The following MCUB variants were observed in gnomAD, a reference collection of about 807,000 sequenced individuals.
MCUB encodes the protein mitochondrial calcium uniporter dominant negative subunit beta.
A neutral mutation model predicts 41.4 loss-of-function variants in MCUB; 46 were observed. That is an observed-to-expected ratio of 1.11 (90% CI 0.88 to 1.42). MCUB has a LOEUF of 1.42. Among genes scored for constraint, MCUB ranks in the 40% most tolerant of loss-of-function variants. The probability of loss-of-function intolerance (pLI) is 0.00; values close to 1 mark genes in which losing one functional copy is unlikely to be tolerated. For missense variants in MCUB, 403 were observed against 404.9 expected, an observed-to-expected ratio of 1.00 and a Z score of 0.04; for synonymous variants, 148 against 148.2, an observed-to-expected ratio of 1.00 and a Z score of 0.01.
At chr4:109,609,911 A>G (rs1325995807) in intron 1 of MCUB, among the ~76,000 whole-genome samples, 5 of 152,192 alleles carry the variant, frequency 3.3e-5, no homozygotes, top group African/African-American at 4.8e-5. Flanking sequence ...TCCAGGTGCC[A>G]GGGACTGGAG....
rs755474564 is a variant in MCUB at position 109,580,707 on chromosome 4, G to A, written c.99+20271G>A. 1.6e-4 allele frequency among the ~76,000 whole-genome samples: 24 copies of A among 152,194 alleles called. No individual in the cohort carries two copies. In the South Asian group the frequency reaches 2.3e-3, roughly 14 times the overall value. On this transcript the variant is annotated intron_variant, in intron 1 of 7. Coordinates refer to ENST00000394650, the MANE Select transcript of MCUB (RefSeq NM_017918.5). ...TGAGAAGTGTCTGTTCATATCCTTC[G>A]CCCACTTTTTGATGGGATTGTTTTT...
At chr4:109,687,485 A>AG (rs1442172153) in intron 7 of MCUB, 30 bp from the exon 8 acceptor site, 6 of 1,503,952 alleles carry the variant, frequency 4.0e-6, no homozygotes, top group Non-Finnish European at 5.5e-6. Flanking sequence ...CTTCTTTCTG[A>AG]TCACATGCTT....
chr4:109,617,421 G>A (rs1300571058), intron 1 of MCUB, among the ~76,000 whole-genome samples: 2 of 152,204 alleles, frequency 1.3e-5, no homozygotes, highest in Non-Finnish European at 2.9e-5. Flanking sequence ...TGTGTCGGGG[G>A]TGGGAGGGAG....
chr4:109,638,975 C>T (rs369641661), intron 1 of MCUB, among the ~76,000 whole-genome samples: 1 of 152,308 alleles, frequency 6.6e-6, no homozygotes, highest in African/African-American at 2.4e-5. Flanking sequence ...TTACTTCTTA[C>T]ACTGAAGTCT....
At chr4:109,630,079 C>T (rs1254402936) in intron 1 of MCUB, among the ~76,000 whole-genome samples, 2 of 152,194 alleles carry the variant, frequency 1.3e-5, no homozygotes, top group Non-Finnish European at 2.9e-5. Flanking sequence ...ATTTTAAGAG[C>T]TTCTGCCAGG....
intron 7 of MCUB, among the ~76,000 whole-genome samples, chr4:109,687,255 A>G (rs1729866355): frequency 6.6e-6 from 1 of 152,050 alleles, no homozygotes; most frequent in African/African-American, 2.4e-5. Context: ...GCTACTTGGG[A>G]GGCTGAGGCA....
chr4:109,616,560 C>G (rs1291388385), intron 1 of MCUB, among the ~76,000 whole-genome samples: 1 of 152,138 alleles, frequency 6.6e-6, no homozygotes. Context: ...GGACCTGACA[C>G]TTTAAACATG....
intron 1 of MCUB, among the ~76,000 whole-genome samples, chr4:109,601,755 C>G (rs898879502): frequency 2.0e-5 from 3 of 152,158 alleles, no homozygotes; most frequent in African/African-American, 7.2e-5. Context: ...ATAGACCCAG[C>G]AGTGGGGTTG....
chr4:109,606,011 G>A (rs546499134), intron 1 of MCUB, among the ~76,000 whole-genome samples: 1 of 152,126 alleles, frequency 6.6e-6, no homozygotes, highest in Non-Finnish European at 1.5e-5. Flanking sequence ...CTCTCGCTCT[G>A]TTGCCCAGGC....
intron 1 of MCUB, among the ~76,000 whole-genome samples, chr4:109,625,093 T>G (rs996982410): frequency 3.9e-5 from 6 of 152,042 alleles, no homozygotes; most frequent in African/African-American, 1.5e-4. Flanking sequence ...TGAGCTGAGA[T>G]CGCACCACTG....
chr4:109,603,245 G>A (rs970218310), intron 1 of MCUB, among the ~76,000 whole-genome samples: 11 of 152,184 alleles, frequency 7.2e-5, no homozygotes, highest in Admixed American at 1.3e-4. Context: ...GCAGGCGCGC[G>A]CCGCCACGCC....
chr4:109,609,642 A>T (rs533736477), intron 1 of MCUB, among the ~76,000 whole-genome samples: 1 of 152,240 alleles, frequency 6.6e-6, no homozygotes, highest in Non-Finnish European at 1.5e-5. Context: ...CCTATTTAAG[A>T]TGGAGCTGCT....
chr4:109,590,666 G>A (rs560718197), intron 1 of MCUB, among the ~76,000 whole-genome samples: 10 of 152,188 alleles, frequency 6.6e-5, no homozygotes, highest in Non-Finnish European at 1.3e-4. Context: ...GAATGATAAC[G>A]CTTCTGTTGC....
intron 1 of MCUB, among the ~76,000 whole-genome samples, chr4:109,610,522 C>G (rs781316862): frequency 1.3e-5 from 2 of 152,088 alleles, no homozygotes; most frequent in Non-Finnish European, 2.9e-5. Context: ...GTGGATGTTC[C>G]CTTTCTAACC....
Position 109,560,424 on chromosome 4 carries a change from GC to G in MCUB, c.89del (p.Pro30LeufsTer8). The G allele has an allele frequency of 7.7e-7, 1 of 1,292,864 alleles. No homozygotes were observed. The highest frequency in any genetic ancestry group is 9.8e-7 in the Non-Finnish European group (1 of 1,020,920). The allele number at this position is 1,292,864 out of a possible 1,614,324, so 80.1% of individuals were successfully genotyped here. A position where few individuals can be genotyped will look rare whatever the true frequency, so the allele number is the denominator to read the frequency against. The stretch of plus-strand genomic sequence containing the variant: ...GCCCAGCGCGCCCGTGGCCGCTGCC[GC>G]CTCCGCCCCAGGTAAGAGCGGGTGC... ...WRPARPWPLPPPPQVLRVKLC... is the reference protein window; with the variant it reads ...WRPARPWPLPXPPQVLRVKLC... On this transcript the variant is annotated frameshift_variant, in exon 1 of 8. Transcript: ENST00000394650. LOFTEE classifies it high-confidence loss of function.
At chr4:109,606,043 C>A (rs1452077683) in intron 1 of MCUB, among the ~76,000 whole-genome samples, 1 of 152,116 alleles carries the variant, frequency 6.6e-6, no homozygotes, top group African/African-American at 2.4e-5. Context: ...GGTGCGATCT[C>A]TGCTCGCTGC....
chr4:109,583,665 T>A (rs562743162), intron 1 of MCUB, among the ~76,000 whole-genome samples: 1 of 152,144 alleles, frequency 6.6e-6, no homozygotes, highest in Non-Finnish European at 1.5e-5. Context: ...ATGCTTCCAA[T>A]TTTTGCCCAT....
chr4:109,597,915 CG>C (rs1399269589), intron 1 of MCUB, among the ~76,000 whole-genome samples: 4 of 149,476 alleles, frequency 2.7e-5, no homozygotes, highest in Non-Finnish European at 5.9e-5. Context: ...ACCTCCCAGA[CG>C]GGGTCGCGGC....
chr4:109,643,180 G>C (rs1007771535), intron 1 of MCUB, among the ~76,000 whole-genome samples: 6 of 151,896 alleles, frequency 4.0e-5, no homozygotes, highest in Admixed American at 3.9e-4. Flanking sequence ...TGACTGAGTA[G>C]GTGAGACTTA....
Sources: gnomAD v4.1 joint callset for allele counts (sites outside exome capture counted in the v4.1 genomes callset) on GRCh38, gnomAD v4.1.1 for gene constraint, MANE v1.5 for transcripts, NCBI Gene and HGNC (gene_info 2026-07-23, HGNC 2026-07-21) for gene names.